The following FIRRM variants were observed in gnomAD, a reference collection of about 807,000 sequenced individuals.
The protein encoded by FIRRM is FIGNL1-interacting regulator of recombination and mitosis.
the FIRRM span, among the ~76,000 whole-genome samples, chr1:169,819,374 G>A: frequency 2.6e-5 from 4 of 152,138 alleles, no homozygotes; most frequent in African/African-American, 2.4e-5. Context: ...TATCCCCCTC[G>A]TGCCATTAGT....
At chr1:169,833,614 C>G in the FIRRM span, among the ~76,000 whole-genome samples, 1 of 152,140 alleles carries the variant, frequency 6.6e-6, no homozygotes, top group East Asian at 1.9e-4. Context: ...TTATTTCTGA[C>G]TAGGGTTTTT....
At chr1:169,847,441 T>C in the FIRRM span, among the ~76,000 whole-genome samples, 2 of 151,980 alleles carry the variant, frequency 1.3e-5, no homozygotes, top group Non-Finnish European at 2.9e-5. Context: ...GAAACATGTA[T>C]ACTTTTATTT....
the FIRRM span, among the ~76,000 whole-genome samples, chr1:169,814,825 A>G: frequency 6.6e-6 from 1 of 152,214 alleles, no homozygotes; most frequent in South Asian, 2.1e-4. Context: ...GGGAGACTCA[A>G]AAGTTATCCT....
At chr1:169,818,442 A>G in the FIRRM span, among the ~76,000 whole-genome samples, 1 of 152,252 alleles carries the variant, frequency 6.6e-6, no homozygotes, top group Non-Finnish European at 1.5e-5. Context: ...TGCCTAATTT[A>G]AACCACGTCT....
chr1:169,830,788 C>G, the FIRRM span: 1 of 1,527,170 alleles, frequency 6.5e-7, no homozygotes. Flanking sequence ...ACTTTCTATG[C>G]ACTTCCTTTG....
chr1:169,851,967 T>C, the FIRRM span: 6 of 1,613,828 alleles, frequency 3.7e-6, no homozygotes, highest in South Asian at 6.6e-5. Context: ...GGGCCAAACT[T>C]TAACAAGGCA....
At chr1:169,829,912 T>C in the FIRRM span, among the ~76,000 whole-genome samples, 1 of 152,094 alleles carries the variant, frequency 6.6e-6, no homozygotes, top group Non-Finnish European at 1.5e-5. Flanking sequence ...AAATGTTGTA[T>C]GTGAATAAAG....
chr1:169,786,301 C>T, the FIRRM span, among the ~76,000 whole-genome samples: 2 of 152,072 alleles, frequency 1.3e-5, no homozygotes, highest in East Asian at 1.9e-4. Context: ...GGTATTTTTC[C>T]TTAGAAGTTA....
the FIRRM span, chr1:169,800,839 C>A: frequency 2.0e-6 from 2 of 982,174 alleles, no homozygotes; most frequent in Non-Finnish European, 3.1e-6. Context: ...CCTTTGTTGA[C>A]TGACATGACA....
the FIRRM span, among the ~76,000 whole-genome samples, chr1:169,822,685 A>G: frequency 5.3e-5 from 8 of 152,080 alleles, no homozygotes; most frequent in African/African-American, 1.7e-4. Context: ...TTTTTAGTAG[A>G]GATGGGGTTT....
chr1:169,803,428 C>T, the FIRRM span: 14 of 1,013,872 alleles, frequency 1.4e-5, no homozygotes, highest in African/African-American at 1.5e-4. Context: ...TAAACTTTTC[C>T]ATAGAATAAA....
chr1:169,794,479 A>C, the FIRRM span, among the ~76,000 whole-genome samples: 1 of 152,182 alleles, frequency 6.6e-6, no homozygotes, highest in Non-Finnish European at 1.5e-5. Flanking sequence ...GAGCAAACGC[A>C]AACTAGGGCA....
chr1:169,795,994 T>G, the FIRRM span: 2 of 982,340 alleles, frequency 2.0e-6, no homozygotes, highest in African/African-American at 1.7e-5. Context: ...GTAAACCATA[T>G]GTATATGTAT....
chr1:169,853,970 T>C, the FIRRM span: 13 of 640,772 alleles, frequency 2.0e-5, no homozygotes, highest in Non-Finnish European at 2.9e-5. Flanking sequence ...AAAATAGCTT[T>C]TCAAAAACCA....
the FIRRM span, among the ~76,000 whole-genome samples, chr1:169,833,417 T>G: frequency 6.6e-6 from 1 of 152,238 alleles, no homozygotes; most frequent in Non-Finnish European, 1.5e-5. Context: ...TAAGGTCTTA[T>G]GGTCCTCGGT....
At chr1:169,832,529 T>A in the FIRRM span, 1 of 1,559,082 alleles carries the variant, frequency 6.4e-7, no homozygotes, top group Admixed American at 1.7e-5. Context: ...ATCATCTTTG[T>A]CACTGTCTGT....
the FIRRM span, chr1:169,852,030 T>G: frequency 1.3e-5 from 20 of 1,552,470 alleles, no homozygotes; most frequent in African/African-American, 1.4e-5. Context: ...TTTCCAGCCT[T>G]ATGCTGAATT....
At chr1:169,832,451 T>G in the FIRRM span, 1 of 1,613,868 alleles carries the variant, frequency 6.2e-7, no homozygotes, top group Non-Finnish European at 8.5e-7. Flanking sequence ...TATCAACTCA[T>G]CAACCTATCA....
At chr1:169,798,380 GC>G in the FIRRM span, among the ~76,000 whole-genome samples, 1 of 150,750 alleles carries the variant, frequency 6.6e-6, no homozygotes, top group Non-Finnish European at 1.5e-5. Context: ...TGATTCTCCT[GC>G]CTCAGCCTCC....
Sources: gnomAD v4.1 joint callset for allele counts (sites outside exome capture counted in the v4.1 genomes callset) on GRCh38, gnomAD v4.1.1 for gene constraint, MANE v1.5 for transcripts, NCBI Gene and HGNC (gene_info 2026-07-23, HGNC 2026-07-21) for gene names.